The following PABPC4L variants were observed in gnomAD, a reference collection of about 807,000 sequenced individuals.
PABPC4L encodes poly(A) binding protein cytoplasmic 4 like.
For missense variants in PABPC4L, 452 were observed against 451.4 expected (o/e 1.00, Z -0.01); for synonymous variants, 169 against 164.1 (o/e 1.03, Z -0.23).
chr4:134,181,095 C>G, the PABPC4L span, among the ~76,000 whole-genome samples: 1 of 151,692 alleles, frequency 6.6e-6, no homozygotes, highest in Non-Finnish European at 1.5e-5. Flanking sequence ...CAATATTCCT[C>G]ATGAACATAA....
At chr4:134,112,986 A>ATG in the PABPC4L span, among the ~76,000 whole-genome samples, 2 of 149,278 alleles carry the variant, frequency 1.3e-5, no homozygotes, top group Non-Finnish European at 1.5e-5. Flanking sequence ...GTCTAGGCTA[A>ATG]TGTGTGTGTG....
the PABPC4L span, among the ~76,000 whole-genome samples, chr4:134,164,933 A>T: frequency 2.0e-5 from 3 of 152,194 alleles, no homozygotes; most frequent in Non-Finnish European, 4.4e-5. Context: ...AAAAGTAGAT[A>T]CATAGAACAA....
the PABPC4L span, among the ~76,000 whole-genome samples, chr4:134,070,377 A>G: frequency 1.3e-5 from 2 of 151,878 alleles, no homozygotes; most frequent in African/African-American, 2.4e-5. Context: ...GGGCTGACAC[A>G]TTTTTGCAGG....
At chr4:134,148,102 G>C in the PABPC4L span, among the ~76,000 whole-genome samples, 11 of 152,162 alleles carry the variant, frequency 7.2e-5, no homozygotes, top group African/African-American at 2.6e-4. Flanking sequence ...AATGCACAGA[G>C]AGCAGCCTTC....
chr4:134,132,908 T>C, the PABPC4L span, among the ~76,000 whole-genome samples: 1 of 146,428 alleles, frequency 6.8e-6, no homozygotes, highest in Non-Finnish European at 1.5e-5. Flanking sequence ...ATATATTATA[T>C]ATTGCATATT....
chr4:134,152,466 G>A, the PABPC4L span, among the ~76,000 whole-genome samples: 1 of 152,138 alleles, frequency 6.6e-6, no homozygotes, highest in Non-Finnish European at 1.5e-5. Context: ...GCCCTGGTGA[G>A]TACTGTCTAC....
chr4:134,070,013 AT>A, the PABPC4L span, among the ~76,000 whole-genome samples: 2 of 32,960 alleles, frequency 6.1e-5, no homozygotes, highest in Non-Finnish European at 1.3e-4. Flanking sequence ...TTTGGCTTTT[AT>A]TTTCTTTGAT....
At chr4:134,031,604 G>A in the PABPC4L span, among the ~76,000 whole-genome samples, 2 of 151,926 alleles carry the variant, frequency 1.3e-5, no homozygotes, top group African/African-American at 2.4e-5. Flanking sequence ...AGAAGATGAT[G>A]CAGAAATGCA....
chr4:134,121,088 T>A, the PABPC4L span, among the ~76,000 whole-genome samples: 5 of 151,550 alleles, frequency 3.3e-5, no homozygotes, highest in African/African-American at 9.6e-5. Flanking sequence ...TAACATAATA[T>A]GCTGTTAACC....
the PABPC4L span, among the ~76,000 whole-genome samples, chr4:134,131,639 G>C: frequency 8.0e-6 from 1 of 124,748 alleles, no homozygotes; most frequent in African/African-American, 3.0e-5. Flanking sequence ...CTATAAATTT[G>C]ATGCAATTTG....
the PABPC4L span, among the ~76,000 whole-genome samples, chr4:134,190,845 C>T: frequency 4.6e-5 from 7 of 151,900 alleles, no homozygotes; most frequent in African/African-American, 1.7e-4. Context: ...AGAGATGGGG[C>T]TTCTCCACAT....
At chr4:134,091,214 C>T in the PABPC4L span, among the ~76,000 whole-genome samples, 4 of 151,968 alleles carry the variant, frequency 2.6e-5, no homozygotes, top group South Asian at 2.1e-4. Flanking sequence ...TCCTCATTTA[C>T]GCTTTCTACA....
chr4:134,100,674 G>A, the PABPC4L span, among the ~76,000 whole-genome samples: 2 of 151,572 alleles, frequency 1.3e-5, no homozygotes, highest in African/African-American at 4.8e-5. Flanking sequence ...ATAGTACTAG[G>A]AAACTTGCTG....
chr4:134,128,362 C>T, the PABPC4L span, among the ~76,000 whole-genome samples: 462 of 152,226 alleles, frequency 3.0e-3, 3 homozygotes, highest in African/African-American at 0.011. Flanking sequence ...ACATAGGCGT[C>T]AGGTTATCTG....
At chr4:134,193,786 A>G (rs1729579665), downstream of PABPC4L, among the ~76,000 whole-genome samples, 1 of 151,866 alleles carries the variant, frequency 6.6e-6, no homozygotes, top group African/African-American at 2.4e-5. Context: ...AAACATTAGA[A>G]CATTAGACTG....
the PABPC4L span, among the ~76,000 whole-genome samples, chr4:134,125,713 C>A: frequency 6.6e-6 from 1 of 151,862 alleles, no homozygotes; most frequent in African/African-American, 2.4e-5. Flanking sequence ...TAGTCATATC[C>A]AAAAATGTGT....
chr4:133,995,550 A>G, the PABPC4L span, among the ~76,000 whole-genome samples: 8 of 152,196 alleles, frequency 5.3e-5, no homozygotes, highest in Non-Finnish European at 1.5e-5. Context: ...GGGCTAACCA[A>G]TTGATAAATT....
chr4:134,080,892 C>G, the PABPC4L span, among the ~76,000 whole-genome samples: 1 of 152,082 alleles, frequency 6.6e-6, no homozygotes, highest in East Asian at 1.9e-4. Context: ...CACTAACACA[C>G]AGTGTATCAT....
chr4:134,074,287 AG>A, the PABPC4L span, among the ~76,000 whole-genome samples: 88 of 152,280 alleles, frequency 5.8e-4, no homozygotes, highest in East Asian at 0.014. Flanking sequence ...TTGCATATGA[AG>A]GGTGATCTTT....
Sources: gnomAD v4.1 joint callset for allele counts (sites outside exome capture counted in the v4.1 genomes callset) on GRCh38, gnomAD v4.1.1 for gene constraint, MANE v1.5 for transcripts, NCBI Gene and HGNC (gene_info 2026-07-23, HGNC 2026-07-21) for gene names.